TAB1: variants seen among roughly 807,000 people sequenced by gnomAD.
TAB1 encodes TGF-beta activated kinase 1 (MAP3K7) binding protein 1.
A neutral mutation model predicts 54.5 loss-of-function variants in TAB1; 30 were observed. That is an observed-to-expected ratio of 0.55 (90% CI 0.41 to 0.75). TAB1 has a LOEUF of 0.75. Among genes scored for constraint, TAB1 ranks in the 30% least tolerant of loss-of-function variants. The pLI is 0.00. For missense variants in TAB1, 609 were observed against 683.2 expected, an observed-to-expected ratio of 0.89 and a Z score of 1.21; for synonymous variants, 289 against 286.9, an observed-to-expected ratio of 1.01 and a Z score of -0.07.
At chr22:39,399,941 G>A (rs1926055714) in intron 1 of TAB1, 106 bp downstream of exon 1, 2 of 1,222,224 alleles carry the variant, frequency 1.6e-6, no homozygotes, top group African/African-American at 3.1e-5. Flanking sequence ...CACCCTCTCC[G>A]TGGTGGGGTG....
intron 9 of TAB1, among the ~76,000 whole-genome samples, chr22:39,427,138 G>A (rs967242875): frequency 1.4e-4 from 21 of 152,256 alleles, no homozygotes; most frequent in African/African-American, 3.9e-4. Flanking sequence ...CACCTGCCCC[G>A]GCAACCTCCC....
Position 39,421,980 on chromosome 22 carries a change from G to C in TAB1, c.921+9G>C. On this transcript the variant is annotated intron_variant, in intron 8 of 10. Coordinates refer to ENST00000216160, the MANE Select transcript of TAB1 (RefSeq NM_006116.3). ...CTGGGCAGGCCAACCAGGTGAGTTG[G>C]GCCCAGCCACGCCCATGGCCGGAGA... 5 of 1,527,540 alleles carry C rather than the reference G, an allele frequency of 3.3e-6. No individual in the cohort carries two copies. The highest frequency in any genetic ancestry group is 4.4e-6 in the Non-Finnish European group (5 of 1,141,314). The allele number at this position is 1,527,540 out of a possible 1,614,324, so 94.6% of individuals were successfully genotyped here. A position where few individuals can be genotyped will look rare whatever the true frequency, so the allele number is the denominator to read the frequency against.
intron 10 of TAB1, 128 bp from the exon 11 acceptor site, chr22:39,429,887 G>A: frequency 6.6e-7 from 1 of 1,521,992 alleles, no homozygotes; most frequent in South Asian, 1.3e-5. Flanking sequence ...CAGCTCCTAT[G>A]GTCACCTCTG....
Position 39,415,094 on chromosome 22 carries a change from G to A in TAB1, c.122G>A (p.Gly41Asp). The A allele has an allele frequency of 6.2e-7, 1 of 1,611,466 alleles. No individual in the cohort carries two copies. The highest frequency in any genetic ancestry group is 8.5e-7 in the Non-Finnish European group (1 of 1,178,258). Residue 41 changes from glycine (G) to aspartate (D), a missense_variant, in exon 2 of 11, where the codon GGC (glycine) becomes GAC (aspartate). Physicochemically the swap from Gly to Asp is moderately conservative, Grantham distance 94. Transcript: ENST00000216160. This position sits in a 1 kb window ranked among gnomAD's most constrained non-coding sequence, Gnocchi z 4.9. The stretch of plus-strand genomic sequence containing the variant: ...TCCAACCGCAGCTACTCTGCTGATG[G>A]CAAGGGCACTGAGAGCCACCCGCCA... ...SASNRSYSADGKGTESHPPED... is the reference protein window; with the variant it reads ...SASNRSYSADDKGTESHPPED...
Position 39,427,960 on chromosome 22 carries a change from C to G in TAB1, c.1145-61C>G, listed in dbSNP as rs566952145. 8 of 1,459,460 alleles carry G rather than the reference C, an allele frequency of 5.5e-6. No individual in the cohort carries two copies. In the Admixed American group the frequency reaches 1.5e-4, roughly 28 times the overall value. The allele number at this position is 1,459,460 out of a possible 1,614,324, so 90.4% of individuals were successfully genotyped here. On this transcript the variant is annotated intron_variant, in intron 9 of 10. Transcript: ENST00000216160. ...CATCAGGCCATGGAGCAGCTATGCC[C>G]CTGCTACCCTGGGTTTCTCCTCAGC...
chr22:39,424,917 A>G (rs568437247), intron 8 of TAB1, among the ~76,000 whole-genome samples: 1 of 152,276 alleles, frequency 6.6e-6, no homozygotes, highest in East Asian at 1.9e-4. Context: ...TGAGCCCACC[A>G]GGACCAGGTG....
Position 39,431,338 on chromosome 22 carries a change from G to A in TAB1, c.*1116G>A. 1 of 985,598 alleles carries A rather than the reference G, an allele frequency of 1.0e-6. No individual in the cohort carries two copies. The highest frequency in any genetic ancestry group is 1.2e-6 in the Non-Finnish European group (1 of 830,058). 61.1% of individuals were successfully genotyped at this position (985,598 alleles called of 1,614,324 possible). On this transcript the variant is annotated 3_prime_UTR_variant, in exon 11 of 11. Coordinates refer to ENST00000216160, the MANE Select transcript of TAB1 (RefSeq NM_006116.3). ...GGCCAGGATTGCCACTCCTGTTTCA[G>A]AGGAAGCAGGCCGAGAGACTTGCAC... is the stretch of plus-strand genomic sequence containing the variant.
At chr22:39,414,826 A>G in intron 1 of TAB1, 180 bp from the exon 2 acceptor site, 1 of 631,136 alleles carries the variant, frequency 1.6e-6, no homozygotes, top group Non-Finnish European at 2.6e-6. Context: ...CTAGCCATAA[A>G]AACAGCAAAC....
At position 39,428,046 on chromosome 22, in the gene TAB1, G is replaced by A; in HGVS notation, c.1170G>A (p.Val390=). The change falls in exon 10 of 11, where the codon GTG becomes GTA. Residue 390 remains valine (V), a synonymous_variant. Transcript: ENST00000216160. ...APAAGGRVYP[V]SVPYSSAQST... ...CTGCAGGAGGACGAGTGTACCCTGT[G>A]TCTGTGCCATACTCCAGCGCCCAGA... 6.2e-7 allele frequency: 1 copy of A among 1,611,462 alleles called. No individual in the cohort carries two copies. The highest frequency in any genetic ancestry group is 8.5e-7 in the Non-Finnish European group (1 of 1,177,980).
At position 39,418,756 on chromosome 22, in the gene TAB1, A is replaced by C; in HGVS notation, c.575A>C (p.Lys192Thr). 6.2e-7 allele frequency: 1 copy of C among 1,614,118 alleles called. No homozygotes were observed. Among genetic ancestry groups the C allele is most frequent in the Non-Finnish European group, 8.5e-7 (1 of 1,179,994 alleles). Residue 192 changes from lysine (K) to threonine (T), a missense_variant, in exon 6 of 11, where the codon AAA becomes ACA. Lys to Thr is a moderately conservative substitution (Grantham distance 78, BLOSUM62 -1). Transcript: ENST00000216160. ...NVGTNRALLC[K>T]STVDGLQVTQ... is the part of the protein sequence containing the mutation. The stretch of plus-strand genomic sequence containing the variant: ...GGTACAAACCGTGCACTTTTATGCA[A>C]ATCGACAGTGGATGGGTTGCAGGTG...
At chr22:39,421,573 A>T (rs974374441) in intron 7 of TAB1, among the ~76,000 whole-genome samples, 1 of 152,152 alleles carries the variant, frequency 6.6e-6, no homozygotes, top group African/African-American at 2.4e-5. Flanking sequence ...AACAGGCCAG[A>T]ATCGGGCATT....
intron 8 of TAB1, among the ~76,000 whole-genome samples, chr22:39,425,554 C>A (rs927809919): frequency 1.1e-4 from 17 of 150,918 alleles, no homozygotes; most frequent in Non-Finnish European, 2.5e-4. Flanking sequence ...AATGCTTTTT[C>A]TTTTCTTTTT....
chr22:39,425,219 A>G (rs1927267089), intron 8 of TAB1, among the ~76,000 whole-genome samples: 1 of 127,482 alleles, frequency 7.8e-6, no homozygotes, highest in African/African-American at 3.4e-5. Flanking sequence ...CTAAAAATAC[A>G]AAAAAAAAAA....
intron 9 of TAB1, 27 bp from the exon 10 acceptor site, chr22:39,427,994 G>A: frequency 6.4e-7 from 1 of 1,554,964 alleles, no homozygotes; most frequent in Non-Finnish European, 8.8e-7. Flanking sequence ...GCTGCTGCCT[G>A]AGGCCCCCAC....
intron 1 of TAB1, among the ~76,000 whole-genome samples, chr22:39,404,240 G>A (rs1926269057): frequency 6.6e-6 from 1 of 152,226 alleles, no homozygotes; most frequent in Admixed American, 6.5e-5. Flanking sequence ...GCACCCTGGG[G>A]CAGGGGGAAT....
At chr22:39,417,983 T>G (rs1184985505) in intron 5 of TAB1, 134 bp downstream of exon 5, 16 of 1,178,118 alleles carry the variant, frequency 1.4e-5, no homozygotes, top group Non-Finnish European at 1.8e-5. Flanking sequence ...CCGTTGGGTA[T>G]GTCCCTCTCC....
intron 1 of TAB1, among the ~76,000 whole-genome samples, chr22:39,406,834 C>T (rs1169843618): frequency 1.3e-5 from 2 of 152,058 alleles, no homozygotes; most frequent in East Asian, 1.9e-4. Context: ...GGGGTTTCAC[C>T]GTGTTAGCCA....
chr22:39,413,658 C>T (rs529534332), intron 1 of TAB1, among the ~76,000 whole-genome samples: 1 of 152,320 alleles, frequency 6.6e-6, no homozygotes, highest in African/African-American at 2.4e-5. Context: ...TTTCTGACAT[C>T]AAATGGTCCA....
chr22:39,416,739 C>T (rs1926848571), intron 3 of TAB1, 52 bp from the exon 4 acceptor site: 1 of 1,548,706 alleles, frequency 6.5e-7, no homozygotes, highest in African/African-American at 1.4e-5. Context: ...ATTTTGGCAC[C>T]AGTGACAGTG....
Sources: allele counts gnomAD v4.1 joint callset (sites outside exome capture counted in the v4.1 genomes callset), GRCh38; gene constraint gnomAD v4.1.1; non-coding constraint Gnocchi (gnomAD v3.1); transcripts MANE v1.5; gene names NCBI Gene and HGNC (gene_info 2026-07-23, HGNC 2026-07-21).